Variants in RYR2 observed in about 807,000 individuals in gnomAD.
RYR2 encodes ryanodine receptor 2.
A neutral mutation model predicts 601.1 loss-of-function variants in RYR2; 227 were observed. The observed-to-expected ratio is 0.38, with a 90% confidence interval of 0.34 to 0.42. The LOEUF (loss-of-function observed/expected upper bound fraction) is 0.42. Ranked by LOEUF, RYR2 falls within the 10% of genes least tolerant of loss-of-function variation. The pLI is 1.00. For synonymous variants in RYR2, 2,223 were observed against 2,175.1 expected, an observed-to-expected ratio of 1.02 and a Z score of -0.61; for missense variants, 4,646 against 6,156.5, an observed-to-expected ratio of 0.75 and a Z score of 8.21.
chr1:237,217,996 A>G (rs1683378499), intron 1 of RYR2, among the ~76,000 whole-genome samples: 1 of 152,174 alleles, frequency 6.6e-6, no homozygotes, highest in African/African-American at 2.4e-5. Context: ...TAAAATCTGT[A>G]CCTTGATATG....
At chr1:237,503,615 T>G (rs922158181) in intron 22 of RYR2, 110 bp downstream of exon 22, 3 of 975,328 alleles carry the variant, frequency 3.1e-6, no homozygotes, top group Non-Finnish European at 4.7e-6. Context: ...GTAATACAGT[T>G]GTACAGTTGA....
intron 24 of RYR2, among the ~76,000 whole-genome samples, chr1:237,529,757 T>TCACACACACACA (rs1235847282): frequency 7.5e-5 from 3 of 40,224 alleles, no homozygotes; most frequent in African/African-American, 2.3e-4. Flanking sequence ...AACAATAATA[T>TCACACACACACA]CATACACACA....
chr1:237,511,833 T>TC, intron 24 of RYR2, 42 bp downstream of exon 24: 73 of 274,600 alleles, frequency 2.7e-4, no homozygotes, highest in Middle Eastern at 7.9e-4. Context: ...CTGCCTTCCC[T>TC]GAAAAAAAAA....
At chr1:237,780,804 A>G (rs1442436978) in intron 88 of RYR2, among the ~76,000 whole-genome samples, 1 of 152,220 alleles carries the variant, frequency 6.6e-6, no homozygotes, top group Non-Finnish European at 1.5e-5. Flanking sequence ...TTATCTAACA[A>G]ATACATTTAT....
chr1:237,382,991 T>C (rs933551101), intron 8 of RYR2, among the ~76,000 whole-genome samples: 1 of 151,738 alleles, frequency 6.6e-6, no homozygotes, highest in Non-Finnish European at 1.5e-5. Flanking sequence ...TGTCCTTAAA[T>C]GACAATTTGT....
intron 17 of RYR2, among the ~76,000 whole-genome samples, chr1:237,478,681 A>G (rs1661684954): frequency 6.6e-6 from 1 of 152,198 alleles, no homozygotes; most frequent in Non-Finnish European, 1.5e-5. Flanking sequence ...ATAACTTTAT[A>G]AAGTGAATAA....
At chr1:237,069,822 T>A (rs551696955) in intron 1 of RYR2, among the ~76,000 whole-genome samples, 3 of 152,218 alleles carry the variant, frequency 2.0e-5, no homozygotes, top group Non-Finnish European at 4.4e-5. Context: ...GTTTTCACGT[T>A]AATACTGTTT....
intron 1 of RYR2, among the ~76,000 whole-genome samples, chr1:237,115,688 G>T (rs959066727): frequency 6.6e-5 from 10 of 152,176 alleles, no homozygotes; most frequent in Non-Finnish European, 1.0e-4. Flanking sequence ...AAATAGACGC[G>T]TGAAGGTATC....
In RYR2 at chr1:237,772,058, C is replaced by T; in HGVS notation, c.11604C>T (p.Val3868=). 6.4e-7 allele frequency: 1 copy of T among 1,554,178 alleles called. No individual in the cohort carries two copies. The highest frequency in any genetic ancestry group is 1.4e-5 in the African/African-American group (1 of 73,756). Residue 3868 remains valine (V), a synonymous_variant, in exon 86 of 105, where the codon GTC becomes GTT. Coordinates refer to ENST00000366574, the MANE Select transcript of RYR2 (RefSeq NM_001035.3). The part of the protein sequence containing the change: ...LRTQTGNNTT[V]NIIISTVDYL... ...CTCAGACTGGCAATAATACAACTGT[C>T]AACATAATTATCTCCACTGTAGACT...
chr1:237,454,334 A>C, intron 14 of RYR2, 57 bp from the exon 15 acceptor site: 1 of 1,517,674 alleles, frequency 6.6e-7, no homozygotes, highest in Non-Finnish European at 8.9e-7. Context: ...CTATAAATGG[A>C]AAAATGATAA....
At chr1:237,525,175 T>G (rs989819988) in intron 24 of RYR2, among the ~76,000 whole-genome samples, 1 of 152,164 alleles carries the variant, frequency 6.6e-6, no homozygotes, top group Non-Finnish European at 1.5e-5. Flanking sequence ...TTTATATCTG[T>G]GTGTATCCAC....
chr1:237,117,671 CCTTCT>C (rs60631152), intron 1 of RYR2, among the ~76,000 whole-genome samples: 2,356 of 64,368 alleles, frequency 0.037, 33 homozygotes, highest in Middle Eastern at 0.063. Flanking sequence ...CTCTTCTCTT[CCTTCT>C]CTTCTCTTCT....
chr1:237,054,670 A>T (rs1204309333), intron 1 of RYR2, among the ~76,000 whole-genome samples: 1 of 152,062 alleles, frequency 6.6e-6, no homozygotes, highest in East Asian at 1.9e-4. Context: ...CTGTGATACC[A>T]CACTGGTTCT....
intron 41 of RYR2, among the ~76,000 whole-genome samples, chr1:237,630,346 C>T (rs678541): frequency 0.77 from 116,517 of 152,024 alleles, 45,252 homozygotes; most frequent in Non-Finnish European, 0.82. Context: ...AAAAGCTGCC[C>T]TTGTTTACCT....
At chr1:237,774,219 A>G (rs1167230627) in intron 87 of RYR2, among the ~76,000 whole-genome samples, 1 of 152,086 alleles carries the variant, frequency 6.6e-6, no homozygotes, top group African/African-American at 2.4e-5. Flanking sequence ...ATGACCAGTC[A>G]TCTTTCCTTT....
At chr1:237,063,601 C>T (rs566799479) in intron 1 of RYR2, among the ~76,000 whole-genome samples, 19 of 151,320 alleles carry the variant, frequency 1.3e-4, no homozygotes, top group Non-Finnish European at 2.5e-4. Context: ...CACACACATA[C>T]ACACTCTCTC....
chr1:237,418,168 G>T lies in RYR2; in HGVS notation c.848+1045G>T, dbSNP rs182368262. On this transcript the variant is annotated intron_variant, in intron 11 of 104. Coordinates refer to ENST00000366574, the MANE Select transcript of RYR2 (RefSeq NM_001035.3). ...CACCATTCTCCTGCCTCAGCCTCCCGAGTAGCTGGGACTACAGGCACCTGC... is the reference window on the plus strand; with the variant it reads ...CACCATTCTCCTGCCTCAGCCTCCCTAGTAGCTGGGACTACAGGCACCTGC... Among the ~76,000 whole-genome samples the T allele has an allele frequency of 1.5e-3, 226 of 152,084 alleles. 8 individuals are homozygous for T. The East Asian group carries it at 0.035, about 23-fold the overall frequency.
chr1:237,706,238 ACT>A lies in RYR2; in HGVS notation c.9581-708_9581-707del, dbSNP rs538503243. 4.3e-3 allele frequency among the ~76,000 whole-genome samples: 652 copies of A among 152,122 alleles called. 5 individuals are homozygous for A. Among genetic ancestry groups the A allele is most frequent in the African/African-American group, 0.015 (607 of 41,506 alleles). On this transcript the variant is annotated intron_variant, in intron 67 of 104. Transcript: ENST00000366574. ...CACTCCAGCCTGGCAACAGAGCAAG[ACT>A]CTGTCTCAGCAGCAACAACAAAAAA... is the stretch of plus-strand genomic sequence containing the variant.
At chr1:237,193,587 C>T (rs959722567) in intron 1 of RYR2, among the ~76,000 whole-genome samples, 2 of 152,218 alleles carry the variant, frequency 1.3e-5, no homozygotes, top group Non-Finnish European at 2.9e-5. Flanking sequence ...AGTACTTCTA[C>T]TCCCCTCAGC....
Sources: gnomAD v4.1 joint callset for allele counts (sites outside exome capture counted in the v4.1 genomes callset) on GRCh38, gnomAD v4.1.1 for gene constraint, MANE v1.5 for transcripts, NCBI Gene and HGNC (gene_info 2026-07-23, HGNC 2026-07-21) for gene names.